Variants in LRP1B observed in about 807,000 individuals in gnomAD.
LRP1B encodes LDL receptor related protein 1B.
Under a neutral mutation model 556.6 loss-of-function variants are expected in LRP1B, and 217 were observed. The ratio of observed to expected loss-of-function variants is 0.39; its 90% CI spans 0.35 to 0.44. The LOEUF (loss-of-function observed/expected upper bound fraction) is 0.44, where lower values mean the gene tolerates loss of function less well. Ranked by LOEUF, LRP1B falls within the 20% of genes least tolerant of loss-of-function variation. The probability of loss-of-function intolerance (pLI) is 1.00; values close to 1 mark genes in which losing one functional copy is unlikely to be tolerated. For synonymous variants in LRP1B, 2,047 were observed against 1,865.8 expected (o/e 1.10, Z -2.50); for missense variants, 5,053 against 5,620.8 (o/e 0.90, Z 3.23).
chr2:141,455,560 A>AGAT (rs141419506), intron 3 of LRP1B, among the ~76,000 whole-genome samples: 8,754 of 152,152 alleles, frequency 0.058, 306 homozygotes, highest in South Asian at 0.13. Flanking sequence ...AAAAAGATGG[A>AGAT]GATGGGGACA....
At chr2:142,112,662 A>G (rs951892385) in intron 1 of LRP1B, among the ~76,000 whole-genome samples, 1 of 152,056 alleles carries the variant, frequency 6.6e-6, no homozygotes, top group African/African-American at 2.4e-5. Context: ...TTTTGAATAA[A>G]TATTTCTAGA....
At chr2:141,295,918 T>TA in intron 3 of LRP1B, among the ~76,000 whole-genome samples, 1 of 152,274 alleles carries the variant, frequency 6.6e-6, no homozygotes, top group South Asian at 2.1e-4. Flanking sequence ...CACAAAAACT[T>TA]ATCACCTGAG....
chr2:141,484,807 T>C (rs1206089231), intron 2 of LRP1B, among the ~76,000 whole-genome samples: 1 of 152,124 alleles, frequency 6.6e-6, no homozygotes, highest in East Asian at 1.9e-4. Context: ...TTTTGTACGT[T>C]GATTTTGTAT....
intron 1 of LRP1B, among the ~76,000 whole-genome samples, chr2:141,927,471 G>A (rs1316570978): frequency 6.6e-6 from 1 of 152,000 alleles, no homozygotes; most frequent in Non-Finnish European, 1.5e-5. Flanking sequence ...TTGCTCATCA[G>A]ATAATATTTT....
intron 2 of LRP1B, among the ~76,000 whole-genome samples, chr2:141,621,983 C>A (rs1304077130): frequency 1.3e-5 from 2 of 152,104 alleles, no homozygotes; most frequent in Non-Finnish European, 2.9e-5. Context: ...CCTCTGCCTC[C>A]CAGGTTCAAG....
Position 140,232,647 on chromosome 2 carries a change from G to A in LRP1B, c.*539C>T, listed in dbSNP as rs1305890117. ...TCTCATCTATTGGTTGGCAATCTAA[G>A]GCTAATTTCAAAGCAGGTGATGCTG... On this transcript the variant is annotated 3_prime_UTR_variant, in exon 91 of 91. Transcript: ENST00000389484. 6.6e-6 allele frequency: 1 copy of A among 151,550 alleles called. No homozygotes were observed. Among genetic ancestry groups the A allele is most frequent in the Admixed American group, 6.6e-5 (1 of 15,072 alleles). 9.4% of individuals were successfully genotyped at this position (151,550 alleles called of 1,614,324 possible).
chr2:141,791,718 C>G (rs1295480416), intron 2 of LRP1B, among the ~76,000 whole-genome samples: 1 of 152,024 alleles, frequency 6.6e-6, no homozygotes, highest in African/African-American at 2.4e-5. Flanking sequence ...ACAGGACACA[C>G]AGAGCAGACG....
At chr2:140,505,475 T>A (rs891062817) in intron 53 of LRP1B, among the ~76,000 whole-genome samples, 1 of 152,208 alleles carries the variant, frequency 6.6e-6, no homozygotes, top group Non-Finnish European at 1.5e-5. Flanking sequence ...GTGATTCTTG[T>A]TTCTATTTGA....
chr2:140,768,141 C>G (rs1206218083), intron 35 of LRP1B, among the ~76,000 whole-genome samples: 1 of 151,858 alleles, frequency 6.6e-6, no homozygotes, highest in African/African-American at 2.4e-5. Context: ...TTGCCTCTAT[C>G]CAATTCCAAA....
chr2:141,622,307 C>T (rs1343542148), intron 2 of LRP1B, among the ~76,000 whole-genome samples: 1 of 152,148 alleles, frequency 6.6e-6, no homozygotes, highest in Non-Finnish European at 1.5e-5. Context: ...TTAAATTGCT[C>T]ATCTATGAAT....
intron 25 of LRP1B, among the ~76,000 whole-genome samples, chr2:140,880,117 G>A (rs1693428713): frequency 6.6e-6 from 1 of 151,814 alleles, no homozygotes; most frequent in Non-Finnish European, 1.5e-5. Flanking sequence ...AATTTTTATG[G>A]CAGTTAAAAA....
chr2:141,729,269 T>C (rs1281072030), intron 2 of LRP1B, among the ~76,000 whole-genome samples: 1 of 152,168 alleles, frequency 6.6e-6, no homozygotes, highest in South Asian at 2.1e-4. Flanking sequence ...ACAGTGATAC[T>C]TGAAACTTCA....
chr2:140,557,027 C>T (rs1430278982), intron 43 of LRP1B, among the ~76,000 whole-genome samples: 1 of 152,058 alleles, frequency 6.6e-6, no homozygotes, highest in Non-Finnish European at 1.5e-5. Flanking sequence ...GTAAAAACTA[C>T]TACGGGTTCT....
intron 2 of LRP1B, among the ~76,000 whole-genome samples, chr2:141,509,676 G>A (rs577007244): frequency 2.0e-5 from 3 of 152,096 alleles, no homozygotes; most frequent in African/African-American, 7.2e-5. Context: ...TAATTCAAGA[G>A]CAAATACACT....
At chr2:140,686,680 A>G (rs1686063847) in intron 41 of LRP1B, among the ~76,000 whole-genome samples, 1 of 152,000 alleles carries the variant, frequency 6.6e-6, no homozygotes, top group African/African-American at 2.4e-5. Flanking sequence ...ACACTGGTCC[A>G]TTTGTGATGA....
chr2:140,757,618 A>C (rs1027103138), intron 35 of LRP1B, among the ~76,000 whole-genome samples: 32 of 152,230 alleles, frequency 2.1e-4, no homozygotes. Context: ...GCAGTGGCCC[A>C]CACCTGTGAT....
chr2:141,565,285 C>G (rs1322686765), intron 2 of LRP1B, among the ~76,000 whole-genome samples: 1 of 152,062 alleles, frequency 6.6e-6, no homozygotes, highest in Non-Finnish European at 1.5e-5. Flanking sequence ...GTGTGTTCCA[C>G]AGGGCTTAGC....
At chr2:140,509,810 A>T in intron 52 of LRP1B, 118 bp downstream of exon 52, 1 of 1,264,880 alleles carries the variant, frequency 7.9e-7, no homozygotes, top group Non-Finnish European at 1.1e-6. Context: ...AATACTACCT[A>T]TGGGCCCAGG....
intron 2 of LRP1B, among the ~76,000 whole-genome samples, chr2:141,693,581 G>A (rs1691624795): frequency 6.6e-6 from 1 of 151,988 alleles, no homozygotes; most frequent in African/African-American, 2.4e-5. Flanking sequence ...AGATACTGCT[G>A]TGTTGGTTAC....
Sources: allele counts gnomAD v4.1 joint callset (sites outside exome capture counted in the v4.1 genomes callset), GRCh38; gene constraint gnomAD v4.1.1; transcripts MANE v1.5; gene names NCBI Gene and HGNC (gene_info 2026-07-23, HGNC 2026-07-21).